The following AKAP19 variants were observed in gnomAD, a reference collection of about 807,000 sequenced individuals.
AKAP19 encodes small A-kinase anchoring protein.
the AKAP19 span, among the ~76,000 whole-genome samples, chr2:189,897,119 T>C: frequency 4.2e-4 from 64 of 152,234 alleles, no homozygotes; most frequent in East Asian, 0.012. Context: ...TTGTAAAGAC[T>C]GAGAGAAAAT....
chr2:189,950,638 TTTC>T, the AKAP19 span, among the ~76,000 whole-genome samples: 21 of 152,154 alleles, frequency 1.4e-4, no homozygotes, highest in Non-Finnish European at 3.1e-4. Flanking sequence ...TTGTTTATAT[TTTC>T]TAAAGTCATC....
the AKAP19 span, among the ~76,000 whole-genome samples, chr2:189,974,153 G>A: frequency 6.6e-6 from 1 of 152,082 alleles, no homozygotes; most frequent in Non-Finnish European, 1.5e-5. Flanking sequence ...TGCTTTAAAT[G>A]TGTCCCAGAG....
chr2:189,910,851 G>T, the AKAP19 span, among the ~76,000 whole-genome samples: 1 of 151,988 alleles, frequency 6.6e-6, no homozygotes, highest in Non-Finnish European at 1.5e-5. Context: ...ACTTATACTA[G>T]AGATTGGATG....
the AKAP19 span, among the ~76,000 whole-genome samples, chr2:189,992,050 A>AT: frequency 2.3e-4 from 28 of 121,972 alleles, no homozygotes; most frequent in East Asian, 2.3e-3. Flanking sequence ...TATTAAATAG[A>AT]TTTTTTTTTT....
chr2:190,063,733 T>A, the AKAP19 span, among the ~76,000 whole-genome samples: 8 of 152,122 alleles, frequency 5.3e-5, no homozygotes, highest in Admixed American at 2.0e-4. Flanking sequence ...TGCCAATTTC[T>A]CATTTTGACC....
the AKAP19 span, among the ~76,000 whole-genome samples, chr2:190,047,859 T>A: frequency 6.6e-6 from 1 of 152,164 alleles, no homozygotes; most frequent in African/African-American, 2.4e-5. Context: ...ATGTGTAAAT[T>A]TTTTCCTCTG....
the AKAP19 span, among the ~76,000 whole-genome samples, chr2:190,148,958 T>C: frequency 1.8e-3 from 4 of 2,226 alleles, no homozygotes; most frequent in Admixed American, 0.048. Flanking sequence ...TCTTTCTTTT[T>C]TTTTTTTTTT....
the AKAP19 span, among the ~76,000 whole-genome samples, chr2:190,156,348 A>G: frequency 6.6e-6 from 1 of 152,198 alleles, no homozygotes; most frequent in South Asian, 2.1e-4. Flanking sequence ...TATACATACA[A>G]ACATCCTTCA....
At chr2:189,940,585 TTC>T in the AKAP19 span, among the ~76,000 whole-genome samples, 3 of 140,274 alleles carry the variant, frequency 2.1e-5, no homozygotes, top group Non-Finnish European at 4.6e-5. Context: ...GTAGAAAGCT[TTC>T]AAAAAAAAAC....
the AKAP19 span, chr2:190,055,615 C>T: frequency 2.6e-5 from 4 of 152,134 alleles, no homozygotes; most frequent in African/African-American, 7.2e-5. Context: ...AATTCCTCAA[C>T]CAAACTTTTG....
the AKAP19 span, among the ~76,000 whole-genome samples, chr2:190,088,447 G>A: frequency 6.6e-6 from 1 of 152,034 alleles, no homozygotes; most frequent in Non-Finnish European, 1.5e-5. Flanking sequence ...TTATCAACAA[G>A]TTTTAGAGGC....
the AKAP19 span, among the ~76,000 whole-genome samples, chr2:189,966,106 A>G: frequency 6.6e-6 from 1 of 151,832 alleles, no homozygotes; most frequent in Non-Finnish European, 1.5e-5. Flanking sequence ...CAAATATTGT[A>G]TGTTCTTACT....
At chr2:190,029,417 G>A in the AKAP19 span, among the ~76,000 whole-genome samples, 1 of 151,976 alleles carries the variant, frequency 6.6e-6, no homozygotes, top group African/African-American at 2.4e-5. Flanking sequence ...AAATATTCAA[G>A]AAATCTATTA....
the AKAP19 span, chr2:190,180,932 A>C: frequency 1.0e-6 from 1 of 985,084 alleles, no homozygotes; most frequent in Non-Finnish European, 1.2e-6. The surrounding 1 kb of genome is among the most constrained non-coding windows in gnomAD (Gnocchi z 6.8). Context: ...GCTGGACTGC[A>C]CTTTGCCCCC....
At chr2:190,122,564 T>G in the AKAP19 span, among the ~76,000 whole-genome samples, 1 of 152,238 alleles carries the variant, frequency 6.6e-6, no homozygotes, top group South Asian at 2.1e-4. Flanking sequence ...GATCATACTC[T>G]TCTTTAATTC....
the AKAP19 span, among the ~76,000 whole-genome samples, chr2:190,047,099 C>T: frequency 6.6e-6 from 1 of 152,148 alleles, no homozygotes; most frequent in South Asian, 2.1e-4. Flanking sequence ...GTACAAACTC[C>T]TCAGGGAGAC....
At chr2:190,063,665 C>G in the AKAP19 span, among the ~76,000 whole-genome samples, 1 of 152,076 alleles carries the variant, frequency 6.6e-6, no homozygotes, top group African/African-American at 2.4e-5. Flanking sequence ...GAAAGAGCAT[C>G]ATGATAAAGG....
At chr2:190,200,106 C>T in the AKAP19 span, 2 of 1,613,930 alleles carry the variant, frequency 1.2e-6, no homozygotes, top group African/African-American at 1.3e-5. Context: ...GCAATAACAT[C>T]AAGTACCATG....
chr2:190,139,006 T>A, the AKAP19 span, among the ~76,000 whole-genome samples: 1 of 124,294 alleles, frequency 8.0e-6, no homozygotes, highest in Non-Finnish European at 1.7e-5. Flanking sequence ...TCACAAGCCT[T>A]TGTGGATTAC....
Sources: gnomAD v4.1 joint callset for allele counts (sites outside exome capture counted in the v4.1 genomes callset) on GRCh38, gnomAD v4.1.1 for gene constraint, Gnocchi (gnomAD v3.1) non-coding constraint, MANE v1.5 for transcripts, NCBI Gene and HGNC (gene_info 2026-07-23, HGNC 2026-07-21) for gene names.